CLASP2: variants seen among roughly 807,000 people sequenced by gnomAD.
CLASP2 encodes cytoplasmic linker associated protein 2.
Under a neutral mutation model 194.4 loss-of-function variants are expected in CLASP2, and 47 were observed. That is an observed-to-expected ratio of 0.24 (90% confidence interval 0.19 to 0.31). The LOEUF (loss-of-function observed/expected upper bound fraction) is 0.31, where lower values mean the gene tolerates loss of function less well. CLASP2 is among the 10% of genes least tolerant of loss of function. The pLI, the probability that CLASP2 is intolerant of heterozygous loss-of-function variation, is 1.00. For synonymous variants in CLASP2, 619 were observed against 633.5 expected (o/e 0.98, Z 0.34); for missense variants, 1,445 against 1,823.6 (o/e 0.79, Z 3.78).
chr3:33,623,741 G>A (rs936430608), intron 10 of CLASP2, among the ~76,000 whole-genome samples: 1 of 152,142 alleles, frequency 6.6e-6, no homozygotes, highest in Non-Finnish European at 1.5e-5. Context: ...AAACAAGAAA[G>A]TGCAGATATC....
Position 33,592,408 on chromosome 3 carries a change from C to T in CLASP2, c.2055G>A (p.Val685=). 1 of 1,612,042 alleles carries T rather than the reference C, an allele frequency of 6.2e-7. No homozygotes were observed. Among genetic ancestry groups the T allele is most frequent in the Non-Finnish European group, 8.5e-7 (1 of 1,178,508 alleles). The change falls in exon 21 of 39, where the codon GTG becomes GTA. Residue 685 remains valine, a synonymous_variant. Transcript: ENST00000682230. ...AGCAATACATACGCTGTGATTGAGA[C>T]ACCATTTTTGTTCGACTTCTTCCTC... The part of the protein sequence containing the change: ...DSRGRSRTKM[V]SQSQPGSRSG...
chr3:33,498,247 T>C lies in CLASP2; in HGVS notation c.*384A>G, dbSNP rs2046043318. The C allele has an allele frequency of 6.3e-6, 1 of 159,132 alleles. No homozygotes were observed. The highest frequency in any genetic ancestry group is 2.4e-5 in the African/African-American group (1 of 41,722). 9.9% of individuals were successfully genotyped at this position (159,132 alleles called of 1,614,324 possible). A position where few individuals can be genotyped will look rare whatever the true frequency, so the allele number is the denominator to read the frequency against. On this transcript the variant is annotated 3_prime_UTR_variant, in exon 39 of 39. Coordinates refer to ENST00000682230, the MANE Select transcript of CLASP2 (RefSeq NM_001365631.1). The stretch of plus-strand genomic sequence containing the variant: ...TGCAGTTGAATAAAAGCAAAAATGT[T>C]TTAGACTGTTAAACTTTTAAAGCTT...
In CLASP2 at chr3:33,498,467, G is replaced by A. The variant is rs777015567; in HGVS notation, c.*164C>T. The A allele has an allele frequency of 3.3e-5, 17 of 507,896 alleles. No homozygotes were observed. Among genetic ancestry groups the A allele is most frequent in the Non-Finnish European group, 5.6e-5 (16 of 283,302 alleles). The allele number at this position is 507,896 out of a possible 1,614,324, so 31.5% of individuals were successfully genotyped here. ...TCATAAAAGTTACATGCAGACTGAG[G>A]ATAGTCCTCTGTTACAGAAAATACA... On this transcript the variant is annotated 3_prime_UTR_variant, in exon 39 of 39. Coordinates refer to ENST00000682230, the MANE Select transcript of CLASP2 (RefSeq NM_001365631.1).
chr3:33,673,719 A>T (rs1256020798), intron 6 of CLASP2, among the ~76,000 whole-genome samples: 2 of 152,338 alleles, frequency 1.3e-5, no homozygotes, highest in African/African-American at 4.8e-5. Context: ...ACAGACACAC[A>T]TAGGCTCAAA....
intron 2 of CLASP2, among the ~76,000 whole-genome samples, chr3:33,692,382 G>A (rs1256193252): frequency 1.3e-5 from 2 of 152,048 alleles, no homozygotes; most frequent in Non-Finnish European, 2.9e-5. Context: ...CCAAACAGGG[G>A]CTCACTTTAA....
intron 26 of CLASP2, among the ~76,000 whole-genome samples, chr3:33,567,406 A>C (rs1443188832): frequency 6.6e-5 from 10 of 152,198 alleles, no homozygotes; most frequent in Admixed American, 6.5e-5. Flanking sequence ...TCCAAGACTC[A>C]AGAGTATGGT....
rs2045820914 is a variant in CLASP2, at chr3:33,496,643, T to G, written c.*1988A>C. ...TTTTCCAGTTAGTTACTGTTCAGCT[T>G]AAGTCACTCTACTTGGTTGTCAACA... is the stretch of plus-strand genomic sequence containing the variant. On this transcript the variant is annotated 3_prime_UTR_variant, in exon 39 of 39. Transcript: ENST00000682230. 6.6e-6 allele frequency: 1 copy of G among 152,200 alleles called. No individual in the cohort carries two copies. Among genetic ancestry groups the G allele is most frequent in the African/African-American group, 2.4e-5 (1 of 41,462 alleles). The allele number at this position is 152,200 out of a possible 1,614,324, so 9.4% of individuals were successfully genotyped here.
chr3:33,622,259 G>A lies in CLASP2; in HGVS notation c.1057C>T (p.Leu353Phe). Reference sequence around the variant, plus strand: ...TCATACTGTGCAGCTCCAGCAACAAGCAGTGATCGAATTTTCTTCAGCTGA... The same window carrying A: ...TCATACTGTGCAGCTCCAGCAACAAACAGTGATCGAATTTTCTTCAGCTGA... Reference protein sequence around the residue: ...ANALKKIRSLLVAGAAQYDCF... With the variant: ...ANALKKIRSLFVAGAAQYDCF... The change falls in exon 11 of 39, where the codon CTT becomes TTT. Residue 353 changes from leucine (L) to phenylalanine (F), a missense_variant. Around this residue, in one of 4 missense-constraint regions of CLASP2, gnomAD observed 207 missense variants for 331.4 expected, o/e 0.62. Coordinates refer to ENST00000682230, the MANE Select transcript of CLASP2 (RefSeq NM_001365631.1). 2 of 1,502,004 alleles carry A rather than the reference G, an allele frequency of 1.3e-6. No individual in the cohort carries two copies. Among genetic ancestry groups the A allele is most frequent in the South Asian group, 1.4e-5 (1 of 71,294 alleles). 93.0% of individuals were successfully genotyped at this position (1,502,004 alleles called of 1,614,324 possible).
chr3:33,516,206 C>T, intron 35 of CLASP2, 55 bp from the exon 36 acceptor site: 4 of 1,506,964 alleles, frequency 2.7e-6, no homozygotes, highest in Non-Finnish European at 3.5e-6. Flanking sequence ...TAATCTTTAA[C>T]ATTTTCAATT....
At chr3:33,702,187 T>C (rs1418455349) in intron 1 of CLASP2, among the ~76,000 whole-genome samples, 1 of 152,082 alleles carries the variant, frequency 6.6e-6, no homozygotes, top group Non-Finnish European at 1.5e-5. Context: ...AAAACAAGCT[T>C]GAAAAAGAAA....
intron 8 of CLASP2, among the ~76,000 whole-genome samples, chr3:33,643,905 C>T (rs1266710091): frequency 6.6e-6 from 1 of 151,870 alleles, no homozygotes; most frequent in Non-Finnish European, 1.5e-5. Flanking sequence ...ATTTTCTCAC[C>T]AGTTACTGTA....
At chr3:33,564,937 T>C (rs1415543396) in intron 27 of CLASP2, among the ~76,000 whole-genome samples, 2 of 152,098 alleles carry the variant, frequency 1.3e-5, no homozygotes, top group African/African-American at 4.8e-5. Context: ...TGGTACTTAG[T>C]AAATGATCAT....
intron 18 of CLASP2, among the ~76,000 whole-genome samples, chr3:33,598,310 G>T (rs1350714826): frequency 6.6e-6 from 1 of 152,046 alleles, no homozygotes; most frequent in African/African-American, 2.4e-5. Context: ...TCTTCAGGCA[G>T]AAAGTCACAA....
At chr3:33,689,792 C>G (rs775010504) in intron 3 of CLASP2, 37 bp downstream of exon 3, 79 of 1,412,362 alleles carry the variant, frequency 5.6e-5, no homozygotes, top group Non-Finnish European at 7.2e-5. Flanking sequence ...CCTGTGATTA[C>G]CATTAGCAAA....
chr3:33,642,244 A>G (rs895768218), intron 8 of CLASP2, among the ~76,000 whole-genome samples: 2 of 151,990 alleles, frequency 1.3e-5, no homozygotes, highest in Admixed American at 1.3e-4. Context: ...GCTGAAAGAT[A>G]TATATAAAAG....
At chr3:33,607,359 A>C in intron 15 of CLASP2, 25 bp downstream of exon 15, 1 of 1,518,454 alleles carries the variant, frequency 6.6e-7, no homozygotes, top group Non-Finnish European at 8.9e-7. Context: ...TTAAACTGTC[A>C]CAAAACTATA....
intron 7 of CLASP2, among the ~76,000 whole-genome samples, chr3:33,657,483 T>C (rs1455847666): frequency 6.6e-6 from 1 of 151,758 alleles, no homozygotes; most frequent in Non-Finnish European, 1.5e-5. Flanking sequence ...ACTAAGTAAA[T>C]ATAAAACTAT....
At chr3:33,570,871 TTA>T in intron 25 of CLASP2, 81 bp from the exon 26 acceptor site, 25 of 1,119,336 alleles carry the variant, frequency 2.2e-5, no homozygotes, top group South Asian at 3.3e-5. Flanking sequence ...ATAATTTTCT[TTA>T]AAAAAAAAAA....
At chr3:33,704,242 G>A (rs2154354314) in intron 1 of CLASP2, among the ~76,000 whole-genome samples, 1 of 152,330 alleles carries the variant, frequency 6.6e-6, no homozygotes, top group South Asian at 2.1e-4. Context: ...ATAATGATGT[G>A]TGAATGTAGG....
Sources: allele counts gnomAD v4.1 joint callset (sites outside exome capture counted in the v4.1 genomes callset), GRCh38; gene constraint gnomAD v4.1.1; regional missense constraint gnomAD v4.1.1; transcripts MANE v1.5; gene names NCBI Gene and HGNC (gene_info 2026-07-23, HGNC 2026-07-21).